CLIP3: variants seen among roughly 807,000 people sequenced by gnomAD.
The protein encoded by CLIP3 is CAP-Gly domain containing linker protein 3.
Under a neutral mutation model 59.4 loss-of-function variants are expected in CLIP3, and 15 were observed. The ratio of observed to expected loss-of-function variants is 0.25; its 90% CI spans 0.17 to 0.39. The LOEUF is 0.39. Ranked by LOEUF, CLIP3 falls within the 10% of genes least tolerant of loss-of-function variation. The pLI is 1.00. For missense variants in CLIP3, 495 were observed against 765.7 expected (o/e 0.65, Z 4.17); for synonymous variants, 300 against 321.6 (o/e 0.93, Z 0.72).
At chr19:36,025,303 C>G in intron 6 of CLIP3, among the ~76,000 whole-genome samples, 1 of 151,880 alleles carries the variant, frequency 6.6e-6, no homozygotes, top group East Asian at 1.9e-4. Context: ...AGAATGGGCT[C>G]CTGTGGGCTG....
intron 7 of CLIP3, 115 bp downstream of exon 7, chr19:36,024,281 G>A: frequency 2.5e-6 from 2 of 813,984 alleles, no homozygotes; most frequent in East Asian, 2.7e-5. Flanking sequence ...GATAGTTAGG[G>A]CGGCAAGTAG....
intron 2 of CLIP3, among the ~76,000 whole-genome samples, chr19:36,029,059 C>T (rs996458589): frequency 5.1e-5 from 7 of 137,890 alleles, no homozygotes; most frequent in Non-Finnish European, 7.6e-5. Context: ...TGGTGGCTCA[C>T]GCCTGGAATC....
chr19:36,031,024 T>TTTTTTTTTTTTTTTTTTTTTTTC (rs1969251111), intron 2 of CLIP3, among the ~76,000 whole-genome samples: 4 of 73,574 alleles, frequency 5.4e-5, no homozygotes, highest in Admixed American at 1.5e-4. Flanking sequence ...TTTTTTTTTC[T>TTTTTTTTTTTTTTTTTTTTTTTC]TTTTTTTTTT....
chr19:36,031,928 G>C lies in CLIP3; in HGVS notation c.166+264C>G, dbSNP rs945764067. ...GGCCCCAGCCCCTAGCATAAAGCCA[G>C]GTCCACAGCCGCTTTCAAAAAATGA... On this transcript the variant is annotated intron_variant, in intron 2 of 13. Coordinates refer to ENST00000360535, the MANE Select transcript of CLIP3 (RefSeq NM_015526.3). Among the ~76,000 whole-genome samples the C allele has an allele frequency of 3.9e-5, 6 of 152,256 alleles. No homozygotes were observed. In the South Asian group the frequency reaches 1.0e-3, roughly 26 times the overall value.
At chr19:36,020,239 A>G (rs1333041328) in intron 7 of CLIP3, among the ~76,000 whole-genome samples, 2 of 151,752 alleles carry the variant, frequency 1.3e-5, no homozygotes, top group Non-Finnish European at 2.9e-5. Flanking sequence ...GCAACAAGCA[A>G]GACCCTGTCT....
At chr19:36,017,090 G>A in intron 12 of CLIP3, 111 bp from the exon 13 acceptor site, 1 of 1,141,772 alleles carries the variant, frequency 8.8e-7, no homozygotes, top group Non-Finnish European at 1.3e-6. Flanking sequence ...GTCCCCACCT[G>A]GATCCTACAT....
In CLIP3 at chr19:36,031,977, A is replaced by G. The variant is rs149643705; in HGVS notation, c.166+215T>C. Among the ~76,000 whole-genome samples, 645 of 152,296 alleles carry G rather than the reference A, an allele frequency of 4.2e-3. 5 individuals are homozygous for G. The highest frequency in any genetic ancestry group is 0.015 in the African/African-American group (625 of 41,562). ...GATTGTTGAATGACTAAATGATGGA[A>G]TGATGTGTCATGAGTCAAAGACTAG... is the stretch of plus-strand genomic sequence containing the variant. On this transcript the variant is annotated intron_variant, in intron 2 of 13. Coordinates refer to ENST00000360535, the MANE Select transcript of CLIP3 (RefSeq NM_015526.3).
At position 36,018,929 on chromosome 19, in the gene CLIP3, A is replaced by C; in HGVS notation, c.1152T>G (p.Arg384=). The C allele has an allele frequency of 6.2e-7, 1 of 1,613,566 alleles. No homozygotes were observed. The highest frequency in any genetic ancestry group is 8.5e-7 in the Non-Finnish European group (1 of 1,179,730). ...GTTCCCTGCGGCCTTTGCCGGTGACACGGGAGAAGTCCATCCGGGGGGTCC... is the reference window on the plus strand; with the variant it reads ...GTTCCCTGCGGCCTTTGCCGGTGACCCGGGAGAAGTCCATCCGGGGGGTCC... ...TPRTPRMDFS[R]VTGKGRREHK... is the part of the protein sequence containing the mutation. Residue 384 remains arginine (R), a synonymous_variant, in exon 9 of 14, where the codon CGT becomes CGG. Coordinates refer to ENST00000360535, the MANE Select transcript of CLIP3 (RefSeq NM_015526.3).
chr19:36,026,233 C>T lies in CLIP3; in HGVS notation c.595G>A (p.Gly199Ser), dbSNP rs1218104041. The change falls in exon 6 of 14, where the codon GGC (glycine) becomes AGC (serine). Residue 199 changes from glycine to serine, a missense_variant. Physicochemically the swap from Gly to Ser is moderately conservative, Grantham distance 56. Around this residue, in one of 5 missense-constraint regions of CLIP3, gnomAD observed 194 missense variants for 327.8 expected, o/e 0.59. Coordinates refer to ENST00000360535, the MANE Select transcript of CLIP3 (RefSeq NM_015526.3). The surrounding 1 kb of genome is among the most constrained non-coding windows in gnomAD (Gnocchi z 6.3). ...GAAGCAGCGATGTGCAGGGCTGAGCCGTGGTTGAAGTCACTGCACGTGGAG... is the reference window on the plus strand; with the variant it reads ...GAAGCAGCGATGTGCAGGGCTGAGCTGTGGTTGAAGTCACTGCACGTGGAG... ...VNSTCSDFNH[G>S]SALHIAASSL... The T allele has an allele frequency of 6.2e-7, 1 of 1,613,630 alleles. No homozygotes were observed. Among genetic ancestry groups the T allele is most frequent in the Admixed American group, 1.7e-5 (1 of 60,006 alleles).
At chr19:36,017,547 G>A (rs1237504368) in intron 11 of CLIP3, 97 bp from the exon 12 acceptor site, 2 of 1,594,506 alleles carry the variant, frequency 1.3e-6, no homozygotes, top group Non-Finnish European at 8.6e-7. Flanking sequence ...AGGGCTGGGG[G>A]CTCGGGGGTG....
At chr19:36,031,624 C>T (rs1024997916) in intron 2 of CLIP3, among the ~76,000 whole-genome samples, 1 of 152,196 alleles carries the variant, frequency 6.6e-6, no homozygotes, top group South Asian at 2.1e-4. Context: ...TCCCCTGACC[C>T]TTCTCTTAGT....
rs1599702715 is a variant in CLIP3, at chr19:36,026,948, T to C, written c.400+4A>G. The stretch of plus-strand genomic sequence containing the variant: ...CTTATGACTTGGGGGTAGGGGGCCC[T>C]CACCGACTCCGTGGGCCCCAGCTTT... On this transcript the variant is annotated splice_donor_region_variant and intron_variant, in intron 4 of 13. Coordinates refer to ENST00000360535, the MANE Select transcript of CLIP3 (RefSeq NM_015526.3). The surrounding 1 kb of genome is among the most constrained non-coding windows in gnomAD (Gnocchi z 6.3). 6.5e-7 allele frequency: 1 copy of C among 1,535,476 alleles called. No individual in the cohort carries two copies.
Position 36,032,048 on chromosome 19 carries a change from G to T in CLIP3, c.166+144C>A. The T allele has an allele frequency of 2.3e-6, 1 of 425,988 alleles. No individual in the cohort carries two copies. Among genetic ancestry groups the T allele is most frequent in the Non-Finnish European group, 4.2e-6 (1 of 239,680 alleles). The allele number at this position is 425,988 out of a possible 1,614,324, so 26.4% of individuals were successfully genotyped here. A position where few individuals can be genotyped will look rare whatever the true frequency, so the allele number is the denominator to read the frequency against. ...CCAATGGGTGAATGAATGAATTAAC[G>T]AGGGGTGCTCTGCAGCCAAGATTCC... is the stretch of plus-strand genomic sequence containing the variant. On this transcript the variant is annotated intron_variant, in intron 2 of 13. Coordinates refer to ENST00000360535, the MANE Select transcript of CLIP3 (RefSeq NM_015526.3). The surrounding 1 kb of genome is among the most constrained non-coding windows in gnomAD (Gnocchi z 4.3).
Position 36,026,588 on chromosome 19 carries a change from C to T in CLIP3, c.560G>A (p.Arg187Gln), listed in dbSNP as rs1304331306. ...VRVLLKGARP[R>Q]VVNSTCSDFN... ...CCAGCCAGGGCTCTCCTCCTCACCT[C>T]GCGGCCTCGCACCCTTCAGCAGCAC... Residue 187 changes from arginine to glutamine, a missense_variant and splice_region_variant, in exon 5 of 14, where the codon CGA (arginine) becomes CAA (glutamine). This residue lies in a region of CLIP3 where 194 missense variants were observed against 327.8 expected (regional missense o/e 0.59). Coordinates refer to ENST00000360535, the MANE Select transcript of CLIP3 (RefSeq NM_015526.3). This position sits in a 1 kb window ranked among gnomAD's most constrained non-coding sequence, Gnocchi z 6.3. The T allele has an allele frequency of 1.9e-6, 3 of 1,613,372 alleles. No individual in the cohort carries two copies. Among genetic ancestry groups the T allele is most frequent in the African/African-American group, 1.3e-5 (1 of 74,948 alleles).
At chr19:36,028,379 A>G (rs1969169125) in intron 2 of CLIP3, among the ~76,000 whole-genome samples, 2 of 152,246 alleles carry the variant, frequency 1.3e-5, no homozygotes, top group South Asian at 4.1e-4. Flanking sequence ...AAATAAAATA[A>G]AATGTATCCA....
chr19:36,017,889 T>C lies in CLIP3; in HGVS notation c.1286A>G (p.Gln429Arg). ...GDQVLVAGQK[Q>R]GIVRFYGKTD... ...CTTCCCGTAGAAGCGCACGATCCCC[T>C]GCTTCTGGCCCGCGACAAGGACCTG... is the stretch of plus-strand genomic sequence containing the variant. The change falls in exon 10 of 14, where the codon CAG becomes CGG. Residue 429 changes from glutamine to arginine, a missense_variant. This residue lies in a region of CLIP3 where 179 missense variants were observed against 226.2 expected (regional missense o/e 0.79). Coordinates refer to ENST00000360535, the MANE Select transcript of CLIP3 (RefSeq NM_015526.3). The C allele has an allele frequency of 1.2e-6, 2 of 1,614,140 alleles. No individual in the cohort carries two copies. The highest frequency in any genetic ancestry group is 1.7e-6 in the Non-Finnish European group (2 of 1,180,018).
At chr19:36,025,609 T>A (rs1007169434) in intron 6 of CLIP3, among the ~76,000 whole-genome samples, 2 of 124,320 alleles carry the variant, frequency 1.6e-5, no homozygotes, top group Non-Finnish European at 1.7e-5. Flanking sequence ...AAAAAAAAAA[T>A]TAGAGAGAGT....
In CLIP3 at chr19:36,018,900, T is replaced by C; in HGVS notation, c.1181A>G (p.Lys394Arg). 1.9e-6 allele frequency: 3 copies of C among 1,613,258 alleles called. No individual in the cohort carries two copies. The highest frequency in any genetic ancestry group is 2.5e-6 in the Non-Finnish European group (3 of 1,179,626). The change falls in exon 9 of 14, where the codon AAA (lysine) becomes AGA (arginine). Residue 394 changes from lysine (K) to arginine (R), a missense_variant and splice_region_variant. Physicochemically the swap from Lys to Arg is conservative, Grantham distance 26 (BLOSUM62 2). Coordinates refer to ENST00000360535, the MANE Select transcript of CLIP3 (RefSeq NM_015526.3). Reference protein sequence around the residue: ...RVTGKGRREHKGKKKTPSSPS... With the variant: ...RVTGKGRREHRGKKKTPSSPS... The stretch of plus-strand genomic sequence containing the variant: ...ACCACAGGGATCCCCTCTCTGACCT[T>C]TGTGTTCCCTGCGGCCTTTGCCGGT...
At chr19:36,024,222 T>C in intron 7 of CLIP3, 174 bp downstream of exon 7, 2 of 619,560 alleles carry the variant, frequency 3.2e-6, no homozygotes, top group Admixed American at 5.7e-5. Flanking sequence ...AGGGTGAGGC[T>C]CAAAGGAGAC....
Sources: gnomAD v4.1 joint callset for allele counts (sites outside exome capture counted in the v4.1 genomes callset) on GRCh38, gnomAD v4.1.1 for gene constraint, gnomAD v4.1.1 regional missense constraint, Gnocchi (gnomAD v3.1) non-coding constraint, MANE v1.5 for transcripts, NCBI Gene and HGNC (gene_info 2026-07-23, HGNC 2026-07-21) for gene names.